Variants in CRTC3 observed in about 807,000 individuals in gnomAD.
The protein encoded by CRTC3 is CREB regulated transcription coactivator 3.
CRTC3 carries 26 observed loss-of-function variants against 74.5 expected under a neutral mutation model. The ratio of observed to expected loss-of-function variants is 0.35; its 90% CI spans 0.26 to 0.48. CRTC3 has a LOEUF of 0.48. Ranked by LOEUF, CRTC3 falls within the 20% of genes least tolerant of loss-of-function variation. The pLI, the probability that CRTC3 is intolerant of heterozygous loss-of-function variation, is 0.99. For missense variants in CRTC3, 760 were observed against 787.3 expected (o/e 0.97, Z 0.41); for synonymous variants, 377 against 325.8 (o/e 1.16, Z -1.69).
In CRTC3 at chr15:90,540,075, C is replaced by G; in HGVS notation, c.169C>G (p.Gln57Glu). 2 of 1,613,750 alleles carry G rather than the reference C, an allele frequency of 1.2e-6. No individual in the cohort carries two copies. The highest frequency in any genetic ancestry group is 1.7e-6 in the Non-Finnish European group (2 of 1,179,880). The change falls in exon 2 of 15, where the codon CAG becomes GAG. Residue 57 changes from glutamine to glutamate, a missense_variant. By Grantham distance (29) the Gln-to-Glu change is conservative. Coordinates refer to ENST00000268184, the MANE Select transcript of CRTC3 (RefSeq NM_022769.5). ...GAAGCTTCAGCAACTGCGCCTTACA[C>G]AGTACCATGGAGGATCCTTACCAAA... ...FQKLQQLRLT[Q>E]YHGGSLPNVS... is the part of the protein sequence containing the mutation.
At position 90,645,087 on chromosome 15, in the gene CRTC3, G is replaced by A. The variant is rs998506913; in HGVS notation, c.*2947G>A. 2.2e-5 allele frequency: 5 copies of A among 230,024 alleles called. No homozygotes were observed. The highest frequency in any genetic ancestry group is 1.8e-4 in the South Asian group (1 of 5,504). 14.2% of individuals were successfully genotyped at this position (230,024 alleles called of 1,614,324 possible). On this transcript the variant is annotated 3_prime_UTR_variant, in exon 15 of 15. Transcript: ENST00000268184. ...GTGTTGTATCTTCAAGTCCATATGC[G>A]TATTTGCAGACCTTTCCTGTTCCCA...
chr15:90,549,244 C>T (rs1179060916), intron 2 of CRTC3, among the ~76,000 whole-genome samples: 1 of 152,002 alleles, frequency 6.6e-6, no homozygotes, highest in Middle Eastern at 3.2e-3. Context: ...CACAGTTTCA[C>T]TGCCCCCTTA....
At chr15:90,605,729 T>C (rs1015731638) in intron 5 of CRTC3, among the ~76,000 whole-genome samples, 3 of 152,184 alleles carry the variant, frequency 2.0e-5, no homozygotes, top group African/African-American at 7.2e-5. Context: ...CGTGGCTTCA[T>C]AGCCACCTGA....
chr15:90,604,070 T>A (rs1470926104), intron 4 of CRTC3, among the ~76,000 whole-genome samples: 3 of 152,096 alleles, frequency 2.0e-5, no homozygotes, highest in African/African-American at 7.2e-5. Context: ...ATGCAAAATT[T>A]TTGCATCCAA....
chr15:90,626,133 C>T (rs899384616), intron 10 of CRTC3, 140 bp downstream of exon 10: 3 of 712,980 alleles, frequency 4.2e-6, no homozygotes, highest in South Asian at 1.7e-5. Context: ...TATCTCCTGA[C>T]CCTGCGGACA....
intron 3 of CRTC3, among the ~76,000 whole-genome samples, chr15:90,597,598 C>T (rs1194950942): frequency 6.6e-6 from 1 of 152,200 alleles, no homozygotes; most frequent in African/African-American, 2.4e-5. Flanking sequence ...CTCTGTATCA[C>T]CTCTTGGAGC....
rs1486809409 is a variant in CRTC3 at position 90,638,666 on chromosome 15, T to C, written c.1467+20T>C. 6.2e-7 allele frequency: 1 copy of C among 1,613,366 alleles called. No individual in the cohort carries two copies. The highest frequency in any genetic ancestry group is 1.3e-5 in the African/African-American group (1 of 74,888). On this transcript the variant is annotated intron_variant, in intron 12 of 14. Transcript: ENST00000268184. The stretch of plus-strand genomic sequence containing the variant: ...GCCCAGGTGAGTTCTGGCAGGAGCG[T>C]TGGTGCAGAGGGAATGCTTGTTTTG...
chr15:90,611,087 G>C (rs957779648), intron 6 of CRTC3, among the ~76,000 whole-genome samples: 1 of 152,134 alleles, frequency 6.6e-6, no homozygotes, highest in Admixed American at 6.5e-5. Context: ...TGGATTGGGC[G>C]GGGGTACAGT....
intron 1 of CRTC3, among the ~76,000 whole-genome samples, chr15:90,536,929 G>T (rs955927201): frequency 6.6e-6 from 1 of 152,206 alleles, no homozygotes; most frequent in Non-Finnish European, 1.5e-5. Flanking sequence ...ATCAGGAGAA[G>T]TTGGAAATCC....
chr15:90,607,333 T>C (rs1408995433), intron 5 of CRTC3, 45 bp from the exon 6 acceptor site: 2 of 1,173,156 alleles, frequency 1.7e-6, no homozygotes, highest in Admixed American at 2.0e-5. Flanking sequence ...GCATTTTCAC[T>C]AAGGAAAACG....
intron 1 of CRTC3, among the ~76,000 whole-genome samples, chr15:90,536,262 G>T (rs1251697042): frequency 1.3e-5 from 2 of 152,096 alleles, no homozygotes; most frequent in Non-Finnish European, 2.9e-5. Flanking sequence ...CTGGCCAGGT[G>T]CCATGGCTCA....
chr15:90,596,354 C>A (rs1967926612), intron 3 of CRTC3: 1 of 152,228 alleles, frequency 6.6e-6, no homozygotes, highest in Non-Finnish European at 1.5e-5. Flanking sequence ...GAGATGACTT[C>A]TTGTGTTCAG....
intron 13 of CRTC3, among the ~76,000 whole-genome samples, chr15:90,639,557 CTCA>C (rs1162740121): frequency 1.3e-5 from 2 of 148,848 alleles, no homozygotes; most frequent in Non-Finnish European, 3.0e-5. Flanking sequence ...TCAAGTGATT[CTCA>C]TGTCTCAGAC....
intron 7 of CRTC3, among the ~76,000 whole-genome samples, chr15:90,616,783 T>G (rs916658504): frequency 1.3e-5 from 2 of 152,242 alleles, no homozygotes; most frequent in Non-Finnish European, 2.9e-5. Context: ...AGCCCTGGAA[T>G]GGTCCCTTTA....
intron 2 of CRTC3, 133 bp from the exon 3 acceptor site, chr15:90,593,503 C>A: frequency 1.1e-6 from 1 of 935,680 alleles, no homozygotes; most frequent in Non-Finnish European, 1.6e-6. Context: ...TTTACCTTGA[C>A]CCAAGGCCCA....
intron 2 of CRTC3, among the ~76,000 whole-genome samples, chr15:90,545,520 C>T (rs953971688): frequency 2.6e-5 from 4 of 151,390 alleles, no homozygotes; most frequent in Non-Finnish European, 5.9e-5. Flanking sequence ...CTGCCTGAGC[C>T]TCCTGAGTAG....
chr15:90,547,194 A>C (rs944980104), intron 2 of CRTC3, among the ~76,000 whole-genome samples: 2 of 152,228 alleles, frequency 1.3e-5, no homozygotes, highest in African/African-American at 4.8e-5. Context: ...TGGCTAAATC[A>C]GACAAACATA....
chr15:90,622,023 G>T (rs1461234812), intron 9 of CRTC3, among the ~76,000 whole-genome samples: 1 of 152,194 alleles, frequency 6.6e-6, no homozygotes, highest in African/African-American at 2.4e-5. Context: ...GTGGCAGGTG[G>T]ACAGGCAGCC....
At chr15:90,598,411 T>C (rs1244420811) in intron 3 of CRTC3, 1 of 702,928 alleles carries the variant, frequency 1.4e-6, no homozygotes, top group Non-Finnish European at 2.6e-6. Context: ...CCCCTTCCTT[T>C]GGTGAAGAGT....
Sources: gnomAD v4.1 joint callset for allele counts (sites outside exome capture counted in the v4.1 genomes callset) on GRCh38, gnomAD v4.1.1 for gene constraint, MANE v1.5 for transcripts, NCBI Gene and HGNC (gene_info 2026-07-23, HGNC 2026-07-21) for gene names.